FRY: variants seen among roughly 807,000 people sequenced by gnomAD.
FRY encodes the protein FRY microtubule binding protein.
In FRY, 128 loss-of-function variants were observed where a neutral mutation model predicts 348.4. The observed-to-expected ratio is 0.37, with a 90% CI of 0.32 to 0.43. FRY has a LOEUF of 0.43. Among genes scored for constraint, FRY ranks in the 20% least tolerant of loss-of-function variants. The pLI is 1.00. For synonymous variants in FRY, 1,370 were observed against 1,374.7 expected (o/e 1.00, Z 0.08); for missense variants, 2,736 against 3,695.2 (o/e 0.74, Z 6.73).
chr13:32,069,553 G>A (rs1402853873), intron 1 of FRY, among the ~76,000 whole-genome samples: 1 of 152,160 alleles, frequency 6.6e-6, no homozygotes, highest in Non-Finnish European at 1.5e-5. Flanking sequence ...ACCAGCGAAT[G>A]AGGAATGGAT....
At chr13:32,222,995 C>A (rs146366266) in intron 36 of FRY, among the ~76,000 whole-genome samples, 63 of 152,226 alleles carry the variant, frequency 4.1e-4, no homozygotes, top group African/African-American at 1.5e-3. Context: ...GCTCTGTCAG[C>A]CAGGCTGGAG....
intron 10 of FRY, among the ~76,000 whole-genome samples, chr13:32,135,870 A>G (rs1260892582): frequency 3.3e-5 from 5 of 152,126 alleles, no homozygotes; most frequent in Admixed American, 3.3e-4. Flanking sequence ...CCATGATTTG[A>G]GCAGGTACTT....
At chr13:32,045,514 G>A (rs940076151) in intron 1 of FRY, among the ~76,000 whole-genome samples, 1 of 152,118 alleles carries the variant, frequency 6.6e-6, no homozygotes, top group African/African-American at 2.4e-5. Flanking sequence ...CCATAGACAG[G>A]GATTGCATGA....
intron 51 of FRY, among the ~76,000 whole-genome samples, chr13:32,259,677 C>T (rs1408781672): frequency 6.6e-6 from 1 of 152,172 alleles, no homozygotes; most frequent in East Asian, 1.9e-4. Flanking sequence ...TTTTCACATT[C>T]TTCTCTTTTT....
At chr13:32,152,637 G>A (rs1338129124) in intron 14 of FRY, among the ~76,000 whole-genome samples, 1 of 152,028 alleles carries the variant, frequency 6.6e-6, no homozygotes, top group Non-Finnish European at 1.5e-5. Context: ...ACTCAAAATG[G>A]ATCATAAACC....
chr13:32,222,031 C>T (rs1885342654), intron 36 of FRY, among the ~76,000 whole-genome samples: 1 of 151,682 alleles, frequency 6.6e-6, no homozygotes, highest in Non-Finnish European at 1.5e-5. Flanking sequence ...TAAAGCAGAG[C>T]GAGCAGGGTA....
chr13:32,259,033 T>G (rs1332194300), intron 51 of FRY, among the ~76,000 whole-genome samples: 1 of 152,278 alleles, frequency 6.6e-6, no homozygotes, highest in Non-Finnish European at 1.5e-5. Context: ...CTTTCCCATC[T>G]CAGTGTAAAC....
intron 14 of FRY, among the ~76,000 whole-genome samples, chr13:32,153,678 T>A (rs981314078): frequency 2.0e-5 from 3 of 152,194 alleles, no homozygotes; most frequent in Non-Finnish European, 4.4e-5. Context: ...TTAGTACATG[T>A]AATTTATATC....
At chr13:32,136,079 G>GTTGTTTCT (rs1879697040) in intron 10 of FRY, among the ~76,000 whole-genome samples, 1 of 152,124 alleles carries the variant, frequency 6.6e-6, no homozygotes, top group African/African-American at 2.4e-5. Flanking sequence ...ATTGTGGGCA[G>GTTGTTTCT]TTGTTTCTTG....
chr13:32,272,264 C>T (rs572987518), intron 55 of FRY, among the ~76,000 whole-genome samples: 2 of 152,186 alleles, frequency 1.3e-5, no homozygotes, highest in African/African-American at 4.8e-5. Flanking sequence ...ACAATGTTTC[C>T]GTGTTAGGTT....
At chr13:32,090,107 G>T (rs1166326554) in intron 2 of FRY, among the ~76,000 whole-genome samples, 1 of 151,920 alleles carries the variant, frequency 6.6e-6, no homozygotes, top group African/African-American at 2.4e-5. Context: ...CCAGCACTTT[G>T]GGAGGCCGAG....
intron 22 of FRY, among the ~76,000 whole-genome samples, chr13:32,179,305 G>C (rs557832708): frequency 6.6e-6 from 1 of 152,260 alleles, no homozygotes; most frequent in Admixed American, 6.5e-5. Context: ...GGTTTGGTTT[G>C]TGTCCTACAA....
intron 39 of FRY, among the ~76,000 whole-genome samples, chr13:32,228,075 TACCCAGG>T (rs1885693139): frequency 2.0e-5 from 3 of 152,176 alleles, no homozygotes; most frequent in African/African-American, 7.2e-5. Context: ...AGAAGACTAA[TACCCAGG>T]AATAATTTAT....
chr13:32,200,494 G>T (rs1883956649), intron 29 of FRY, among the ~76,000 whole-genome samples: 1 of 152,130 alleles, frequency 6.6e-6, no homozygotes, highest in Admixed American at 6.6e-5. Flanking sequence ...GGCCCAGTTG[G>T]GAGGATCACC....
intron 1 of FRY, among the ~76,000 whole-genome samples, chr13:32,039,379 G>T (rs1872664479): frequency 6.6e-6 from 1 of 152,076 alleles, no homozygotes; most frequent in Admixed American, 6.6e-5. Context: ...AAAGCCAGTT[G>T]TCTTTCATCC....
chr13:32,067,316 G>A (rs1402909479), intron 1 of FRY, among the ~76,000 whole-genome samples: 4 of 152,112 alleles, frequency 2.6e-5, no homozygotes, highest in East Asian at 1.9e-4. Context: ...GGCCTAATGC[G>A]GGGTTAGGTT....
rs1886391108 is a variant in FRY, at chr13:32,239,494, G to C, written c.6516+145G>C. ...TAATATCACAGTAATGGAAATATAG[G>C]GGTGGCTGATGCAAATTGTCTTGCT... On this transcript the variant is annotated intron_variant, in intron 45 of 60. Transcript: ENST00000542859. This position sits in a 1 kb window ranked among gnomAD's most constrained non-coding sequence, Gnocchi z 4.3. 2 of 720,726 alleles carry C rather than the reference G, an allele frequency of 2.8e-6. No homozygotes were observed. Among genetic ancestry groups the C allele is most frequent in the African/African-American group, 3.5e-5 (2 of 57,120 alleles). The allele number at this position is 720,726 out of a possible 1,614,324, so 44.6% of individuals were successfully genotyped here. A position where few individuals can be genotyped will look rare whatever the true frequency, so the allele number is the denominator to read the frequency against.
At chr13:32,128,153 T>A (rs1395190126) in intron 7 of FRY, among the ~76,000 whole-genome samples, 1 of 152,214 alleles carries the variant, frequency 6.6e-6, no homozygotes, top group East Asian at 1.9e-4. Context: ...GTCATGGTCA[T>A]TTCTGCTTCC....
intron 1 of FRY, among the ~76,000 whole-genome samples, chr13:32,058,925 G>A (rs548719035): frequency 2.6e-4 from 39 of 152,330 alleles, no homozygotes; most frequent in African/African-American, 9.4e-4. Flanking sequence ...ACTGGAGTCT[G>A]ATAAACCTGT....
Sources: gnomAD v4.1 joint callset for allele counts (sites outside exome capture counted in the v4.1 genomes callset) on GRCh38, gnomAD v4.1.1 for gene constraint, Gnocchi (gnomAD v3.1) non-coding constraint, MANE v1.5 for transcripts, NCBI Gene and HGNC (gene_info 2026-07-23, HGNC 2026-07-21) for gene names.